Variants in COL5A2 observed in about 807,000 individuals in gnomAD.
COL5A2 encodes collagen type V alpha 2 chain, also known as collagen alpha-2(V) chain.
Under a neutral mutation model 208.2 loss-of-function variants are expected in COL5A2, and 23 were observed. The observed-to-expected ratio is 0.11, with a 90% confidence interval of 0.08 to 0.16. The LOEUF (loss-of-function observed/expected upper bound fraction) is 0.16. Among genes scored for constraint, COL5A2 ranks in the 10% least tolerant of loss-of-function variants. The pLI is 1.00. For missense variants in COL5A2, 1,590 were observed against 1,956.4 expected, an observed-to-expected ratio of 0.81 and a Z score of 3.53; for synonymous variants, 625 against 628.5, an observed-to-expected ratio of 0.99 and a Z score of 0.08.
the COL5A2 span, among the ~76,000 whole-genome samples, chr2:189,433,873 C>T: frequency 6.6e-6 from 1 of 152,016 alleles, no homozygotes. Context: ...GGCAGAGACA[C>T]AACAAAAAAA....
chr2:189,336,995 G>C, the COL5A2 span, among the ~76,000 whole-genome samples: 1 of 151,914 alleles, frequency 6.6e-6, no homozygotes, highest in Admixed American at 6.6e-5. Flanking sequence ...ATTTTTTTCT[G>C]GCCTACTTTT....
the COL5A2 span, among the ~76,000 whole-genome samples, chr2:189,289,562 GC>G: frequency 1.3e-5 from 2 of 152,042 alleles, no homozygotes; most frequent in Non-Finnish European, 2.9e-5. Context: ...AAATGATAAA[GC>G]CATTCAAATT....
At chr2:189,294,805 G>C in the COL5A2 span, among the ~76,000 whole-genome samples, 2 of 151,950 alleles carry the variant, frequency 1.3e-5, no homozygotes, top group Non-Finnish European at 2.9e-5. Context: ...ACTCTTTTTT[G>C]TTTTGTTTTT....
chr2:189,292,754 G>A, the COL5A2 span, among the ~76,000 whole-genome samples: 4 of 152,214 alleles, frequency 2.6e-5, no homozygotes, highest in East Asian at 1.9e-4. Context: ...CTATTACTGG[G>A]TATATACCCA....
the COL5A2 span, among the ~76,000 whole-genome samples, chr2:189,388,574 C>A: frequency 1.3e-5 from 2 of 152,164 alleles, no homozygotes; most frequent in African/African-American, 4.8e-5. Context: ...ACAGGCATTA[C>A]AGGCTTTCAA....
chr2:189,332,513 T>A, the COL5A2 span, among the ~76,000 whole-genome samples: 41 of 152,190 alleles, frequency 2.7e-4, no homozygotes, highest in African/African-American at 9.7e-4. Context: ...GTAACTGAAT[T>A]ATGGGAGCAG....
chr2:189,059,522 G>GCCTGAT (rs1366567977), intron 31 of COL5A2, among the ~76,000 whole-genome samples: 5 of 148,222 alleles, frequency 3.4e-5, no homozygotes, highest in Non-Finnish European at 5.9e-5. Context: ...CCTCACTGTG[G>GCCTGAT]CCTGATCTCC....
the COL5A2 span, among the ~76,000 whole-genome samples, chr2:189,418,126 T>G: frequency 3.3e-5 from 5 of 152,012 alleles, no homozygotes; most frequent in Non-Finnish European, 5.9e-5. Context: ...TCACCAATAA[T>G]GAACAGCGAA....
chr2:189,408,072 C>G, the COL5A2 span, among the ~76,000 whole-genome samples: 8 of 152,210 alleles, frequency 5.3e-5, no homozygotes, highest in Admixed American at 4.6e-4. Flanking sequence ...CATCCTTGAC[C>G]TAGATTTGTG....
intron 12 of COL5A2, among the ~76,000 whole-genome samples, chr2:189,082,359 T>C (rs1421765929): frequency 6.6e-6 from 1 of 152,220 alleles, no homozygotes; most frequent in African/African-American, 2.4e-5. Context: ...AAACAAATCA[T>C]GCTCTCTGAA....
chr2:189,144,377 C>T (rs1382746040), intron 1 of COL5A2, among the ~76,000 whole-genome samples: 1 of 152,064 alleles, frequency 6.6e-6, no homozygotes, highest in Middle Eastern at 3.4e-3. Flanking sequence ...GGGAGAAAAA[C>T]AATCAGTGCT....
intron 1 of COL5A2, among the ~76,000 whole-genome samples, chr2:189,152,670 C>G (rs555890358): frequency 1.3e-5 from 2 of 152,210 alleles, no homozygotes; most frequent in Non-Finnish European, 2.9e-5. Context: ...CAGAGGCTGG[C>G]TTTTTGGAAG....
At chr2:189,187,420 T>C (rs1409040754) in intron 1 of COL5A2, among the ~76,000 whole-genome samples, 1 of 152,220 alleles carries the variant, frequency 6.6e-6, no homozygotes, top group African/African-American at 2.4e-5. Flanking sequence ...GTTTAAATGC[T>C]GGCCCCACCA....
At chr2:189,420,778 C>T in the COL5A2 span, among the ~76,000 whole-genome samples, 212 of 152,172 alleles carry the variant, frequency 1.4e-3, no homozygotes, top group African/African-American at 5.0e-3. Flanking sequence ...CCTCCATCAG[C>T]CCCAACTATA....
chr2:189,080,470 TTGAA>T (rs1686506475), intron 13 of COL5A2, among the ~76,000 whole-genome samples: 1 of 152,172 alleles, frequency 6.6e-6, no homozygotes, highest in South Asian at 2.1e-4. Context: ...TGTATATTGA[TTGAA>T]TATCACTATT....
the COL5A2 span, among the ~76,000 whole-genome samples, chr2:189,368,121 T>G: frequency 6.6e-6 from 1 of 152,232 alleles, no homozygotes; most frequent in East Asian, 1.9e-4. Flanking sequence ...TCCTGTGAAT[T>G]AGCTAGCTCA....
At position 189,045,396 on chromosome 2, in the gene COL5A2, G is replaced by A. The variant is rs72902361; in HGVS notation, c.3310-164C>T. Among the ~76,000 whole-genome samples the A allele has an allele frequency of 0.14, 21,584 of 151,666 alleles. 1,521 individuals carry two copies. The highest frequency in any genetic ancestry group is 0.19 in the Middle Eastern group (57 of 294). ...CTTATGATTAATTAATTGAAATCAG[G>A]CAAATGTCCATGTGTAGATAAGACT... On this transcript the variant is annotated intron_variant, in intron 46 of 53. Coordinates refer to ENST00000374866, the MANE Select transcript of COL5A2 (RefSeq NM_000393.5).
chr2:189,312,826 A>G, the COL5A2 span, among the ~76,000 whole-genome samples: 1 of 152,026 alleles, frequency 6.6e-6, no homozygotes, highest in African/African-American at 2.4e-5. Flanking sequence ...AAAGACTCTC[A>G]GCATACCACA....
At chr2:189,299,068 A>C in the COL5A2 span, among the ~76,000 whole-genome samples, 1 of 152,164 alleles carries the variant, frequency 6.6e-6, no homozygotes, top group Non-Finnish European at 1.5e-5. Flanking sequence ...CTATTTTCTA[A>C]AGTTGTATTT....
Sources: gnomAD v4.1 joint callset for allele counts (sites outside exome capture counted in the v4.1 genomes callset) on GRCh38, gnomAD v4.1.1 for gene constraint, MANE v1.5 for transcripts, NCBI Gene and HGNC (gene_info 2026-07-23, HGNC 2026-07-21) for gene names.